The following CDC42BPA variants were observed in gnomAD, a reference collection of about 807,000 sequenced individuals.
The protein encoded by CDC42BPA is CDC42 binding protein kinase alpha.
CDC42BPA carries 80 observed loss-of-function variants against 223.5 expected under a neutral mutation model. The observed-to-expected ratio is 0.36, with a 90% CI of 0.30 to 0.43. CDC42BPA has a LOEUF of 0.43. Among genes scored for constraint, CDC42BPA ranks in the 20% least tolerant of loss-of-function variants. CDC42BPA has a pLI of 1.00. For synonymous variants in CDC42BPA, 694 were observed against 718.6 expected (o/e 0.97, Z 0.55); for missense variants, 1,743 against 2,099.9 (o/e 0.83, Z 3.32).
chr1:227,084,726 G>A (rs1160758062), intron 16 of CDC42BPA, among the ~76,000 whole-genome samples: 1 of 151,938 alleles, frequency 6.6e-6, no homozygotes, highest in East Asian at 1.9e-4. Context: ...TGCTCCTAGA[G>A]GATCTATTTA....
rs1685021714 is a variant in CDC42BPA, at chr1:227,101,329, A to G, written c.2002-90T>C. The G allele has an allele frequency of 1.2e-5, 9 of 745,142 alleles. No homozygotes were observed. In the East Asian group the frequency reaches 1.8e-4, roughly 15 times the overall value. 46.2% of individuals were successfully genotyped at this position (745,142 alleles called of 1,614,324 possible). ...TTCTGTAATATAAATGAGTATTCAT[A>G]TAACTGCATTTTTTGTACATCCTAA... On this transcript the variant is annotated intron_variant, in intron 14 of 36. Transcript: ENST00000366766.
At chr1:227,044,350 G>A (rs551110978) in intron 23 of CDC42BPA, among the ~76,000 whole-genome samples, 8 of 152,022 alleles carry the variant, frequency 5.3e-5, no homozygotes, top group Non-Finnish European at 8.8e-5. Flanking sequence ...TAAAGCCCAC[G>A]AATATTTTCA....
intron 2 of CDC42BPA, among the ~76,000 whole-genome samples, chr1:227,242,420 T>C (rs768024258): frequency 5.9e-5 from 9 of 151,810 alleles, no homozygotes; most frequent in Non-Finnish European, 8.8e-5. Flanking sequence ...ATTACAATAA[T>C]AGAGGAAAAA....
At chr1:227,274,204 C>A (rs1229461263) in intron 1 of CDC42BPA, among the ~76,000 whole-genome samples, 1 of 151,914 alleles carries the variant, frequency 6.6e-6, no homozygotes, top group South Asian at 2.1e-4. Flanking sequence ...AGGAAAGGAA[C>A]CCCCCAGTGG....
At chr1:227,226,847 T>C (rs571714581) in intron 2 of CDC42BPA, among the ~76,000 whole-genome samples, 2 of 152,238 alleles carry the variant, frequency 1.3e-5, no homozygotes, top group South Asian at 4.2e-4. Context: ...ATCAGCTGAT[T>C]AGATATTTTA....
intron 5 of CDC42BPA, among the ~76,000 whole-genome samples, chr1:227,172,904 AC>A (rs1446324284): frequency 6.6e-6 from 1 of 152,148 alleles, no homozygotes; most frequent in Non-Finnish European, 1.5e-5. Flanking sequence ...TAAAAGAAAA[AC>A]CTTCTAAAAC....
intron 26 of CDC42BPA, 52 bp downstream of exon 26, chr1:227,034,603 T>C: frequency 6.6e-7 from 1 of 1,514,876 alleles, no homozygotes; most frequent in Non-Finnish European, 8.9e-7. Context: ...ATCAGAAACT[T>C]TAAAATTCCT....
At chr1:227,187,727 A>C (rs545745402) in intron 5 of CDC42BPA, among the ~76,000 whole-genome samples, 38 of 140,060 alleles carry the variant, frequency 2.7e-4, no homozygotes, top group Non-Finnish European at 4.1e-4. Context: ...CCATTTTCAA[A>C]CTACAGAATA....
intron 15 of CDC42BPA, 31 bp from the exon 16 acceptor site, chr1:227,092,022 G>C: frequency 1.6e-6 from 2 of 1,263,718 alleles, no homozygotes; most frequent in East Asian, 2.4e-5. Context: ...AAAGGAAAAA[G>C]GGGAATTAAA....
intron 10 of CDC42BPA, among the ~76,000 whole-genome samples, chr1:227,130,292 G>A (rs916751912): frequency 1.3e-5 from 2 of 152,076 alleles, no homozygotes; most frequent in East Asian, 1.9e-4. Context: ...ATGTACGTGT[G>A]TGTGTGTGTA....
At position 227,232,107 on chromosome 1, in the gene CDC42BPA, T is replaced by C. The variant is rs534023839; in HGVS notation, c.271-18888A>G. ...CCTAGGTTTTCTTCTAGGGTTTTTA[T>C]GGTTTTAGGTCTAAAATTTAAGTCT... On this transcript the variant is annotated intron_variant, in intron 2 of 36. Coordinates refer to ENST00000366766, the MANE Select transcript of CDC42BPA (RefSeq NM_001394014.1). Among the ~76,000 whole-genome samples the C allele has an allele frequency of 6.6e-4, 101 of 152,366 alleles. 2 individuals carry two copies. The highest frequency in any genetic ancestry group is 2.3e-3 in the African/African-American group (95 of 41,590).
chr1:227,283,033 T>C (rs1196350434), intron 1 of CDC42BPA, among the ~76,000 whole-genome samples: 1 of 152,194 alleles, frequency 6.6e-6, no homozygotes, highest in Non-Finnish European at 1.5e-5. Flanking sequence ...TAAATAACTT[T>C]TTATAATTCA....
At chr1:227,164,683 T>A (rs1224108024) in intron 5 of CDC42BPA, among the ~76,000 whole-genome samples, 1 of 152,008 alleles carries the variant, frequency 6.6e-6, no homozygotes, top group Non-Finnish European at 1.5e-5. Context: ...TGCGTGCGCA[T>A]GAGCGCACAC....
intron 12 of CDC42BPA, among the ~76,000 whole-genome samples, chr1:227,113,434 C>T (rs1687256523): frequency 6.6e-6 from 1 of 152,088 alleles, no homozygotes. Flanking sequence ...GAAAGAAGTG[C>T]AATGAAATCT....
intron 6 of CDC42BPA, among the ~76,000 whole-genome samples, chr1:227,149,144 A>G (rs1057090743): frequency 1.3e-5 from 2 of 152,226 alleles, no homozygotes; most frequent in African/African-American, 4.8e-5. Context: ...ATCTGCCACA[A>G]AGCAGAGACG....
intron 1 of CDC42BPA, among the ~76,000 whole-genome samples, chr1:227,288,994 T>C (rs529143319): frequency 6.7e-6 from 1 of 148,924 alleles, no homozygotes; most frequent in South Asian, 2.2e-4. Flanking sequence ...AACTCTTGTT[T>C]CAAAAATAAT....
chr1:227,279,065 T>G (rs1404367091), intron 1 of CDC42BPA, among the ~76,000 whole-genome samples: 1 of 152,052 alleles, frequency 6.6e-6, no homozygotes, highest in Non-Finnish European at 1.5e-5. Context: ...AAGTGTTTTG[T>G]GCAGAAGGTA....
At chr1:227,025,434 C>A (rs1050102170) in intron 31 of CDC42BPA, among the ~76,000 whole-genome samples, 3 of 152,160 alleles carry the variant, frequency 2.0e-5, no homozygotes, top group Non-Finnish European at 2.9e-5. Context: ...ATTCTCTAAA[C>A]CCTGTCCCCC....
chr1:227,068,805 A>G (rs1185674495), intron 21 of CDC42BPA: 5 of 248,836 alleles, frequency 2.0e-5, no homozygotes, highest in Non-Finnish European at 7.9e-6. Context: ...GGCAAATGAC[A>G]TTAATTCAAA....
Sources: gnomAD v4.1 joint callset for allele counts (sites outside exome capture counted in the v4.1 genomes callset) on GRCh38, gnomAD v4.1.1 for gene constraint, MANE v1.5 for transcripts, NCBI Gene and HGNC (gene_info 2026-07-23, HGNC 2026-07-21) for gene names.